BCAS2: variants seen among roughly 807,000 people sequenced by gnomAD.
The protein encoded by BCAS2 is pre-mRNA-splicing factor SPF27.
In BCAS2, 34 loss-of-function variants were observed where a neutral mutation model predicts 35.3. The ratio of observed to expected loss-of-function variants is 0.96; its 90% CI spans 0.73 to 1.28. The LOEUF (loss-of-function observed/expected upper bound fraction) is 1.28. Ranked by LOEUF, BCAS2 falls within the 50% of genes most tolerant of loss-of-function variation. The pLI, the probability that BCAS2 is intolerant of heterozygous loss-of-function variation, is 0.00. For missense variants in BCAS2, 221 were observed against 268.1 expected (o/e 0.82, Z 1.23); for synonymous variants, 75 against 91.6 (o/e 0.82, Z 1.03).
intron 4 of BCAS2, among the ~76,000 whole-genome samples, chr1:114,571,251 G>C (rs928542153): frequency 6.6e-6 from 1 of 151,870 alleles, no homozygotes; most frequent in Non-Finnish European, 1.5e-5. Context: ...AGTAGAGATG[G>C]GGTTTCACTA....
chr1:114,571,387 T>G (rs542540880), intron 4 of BCAS2, among the ~76,000 whole-genome samples: 6 of 151,622 alleles, frequency 4.0e-5, no homozygotes, highest in African/African-American at 1.5e-4. Flanking sequence ...AGGGACAGAG[T>G]CTTGCTCTCC....
At chr1:114,569,820 T>C (rs1570734915) in intron 6 of BCAS2, among the ~76,000 whole-genome samples, 172 bp downstream of exon 6, 1 of 152,234 alleles carries the variant, frequency 6.6e-6, no homozygotes, top group African/African-American at 2.4e-5. Context: ...TTCTCGTTTA[T>C]AGTTCTCTTT....
At chr1:114,579,675 G>A (rs1412664531) in intron 2 of BCAS2, among the ~76,000 whole-genome samples, 1 of 152,130 alleles carries the variant, frequency 6.6e-6, no homozygotes, top group East Asian at 1.9e-4. Flanking sequence ...AGACCAGCCT[G>A]GCCAACATGG....
intron 2 of BCAS2, among the ~76,000 whole-genome samples, chr1:114,577,508 A>G (rs753854583): frequency 6.6e-6 from 1 of 152,162 alleles, no homozygotes; most frequent in Non-Finnish European, 1.5e-5. Context: ...CTGGGATGAC[A>G]GGCATCTGCC....
chr1:114,580,131 T>A (rs1218325488), intron 2 of BCAS2, among the ~76,000 whole-genome samples: 1 of 152,034 alleles, frequency 6.6e-6, no homozygotes, highest in Non-Finnish European at 1.5e-5. Flanking sequence ...AGAGAAAGGG[T>A]CTCACTATGT....
chr1:114,573,956 A>G (rs1654702856), intron 4 of BCAS2, among the ~76,000 whole-genome samples: 1 of 152,186 alleles, frequency 6.6e-6, no homozygotes, highest in Non-Finnish European at 1.5e-5. Context: ...TACTCTAACG[A>G]AAGTTGTACA....
rs1351591869 is a variant in BCAS2 at position 114,581,584 on chromosome 1, CCCG to C, written c.5_7del (p.Ala2del). Reference sequence around the variant, plus strand: ...AACCTCTCCAGCCACCAAACCTGTGCCCGCCATTCTGAGGACCTCAGGTTTGCC... The same window carrying C: ...AACCTCTCCAGCCACCAAACCTGTGCCCATTCTGAGGACCTCAGGTTTGCC... On this transcript the variant is annotated inframe_deletion, in exon 1 of 7. Coordinates refer to ENST00000369541, the MANE Select transcript of BCAS2 (RefSeq NM_005872.3). The C allele has an allele frequency of 1.2e-6, 2 of 1,613,156 alleles. No homozygotes were observed. Among genetic ancestry groups the C allele is most frequent in the Non-Finnish European group, 1.7e-6 (2 of 1,179,968 alleles).
chr1:114,577,176 T>C (rs1270641704), intron 2 of BCAS2, among the ~76,000 whole-genome samples: 1 of 152,192 alleles, frequency 6.6e-6, no homozygotes, highest in Non-Finnish European at 1.5e-5. Context: ...CATGGGTTAA[T>C]AAGTTATCAC....
intron 2 of BCAS2, among the ~76,000 whole-genome samples, chr1:114,580,643 C>T (rs565980352): frequency 4.1e-4 from 62 of 151,864 alleles, no homozygotes; most frequent in Non-Finnish European, 7.7e-4. Context: ...GGATGTTTGT[C>T]TTAAATAAAG....
At chr1:114,568,880 A>G (rs1654584425) in intron 6 of BCAS2, among the ~76,000 whole-genome samples, 1 of 148,592 alleles carries the variant, frequency 6.7e-6, no homozygotes, top group African/African-American at 2.5e-5. Context: ...CTCCAACCTC[A>G]GCCTCCTGAA....
chr1:114,570,081 AATT>A lies in BCAS2; in HGVS notation c.471-12_471-10del, dbSNP rs1213487864. On this transcript the variant is annotated splice_polypyrimidine_tract_variant and intron_variant, in intron 5 of 6. Coordinates refer to ENST00000369541, the MANE Select transcript of BCAS2 (RefSeq NM_005872.3). ...AATCTTGAATATGTTTTCTGTAAAAAATTATTTATACAACCCAATTACATTTTA... is the reference window on the plus strand; with the variant it reads ...AATCTTGAATATGTTTTCTGTAAAAAATTTATACAACCCAATTACATTTTA... 1 of 1,584,882 alleles carries A rather than the reference AATT, an allele frequency of 6.3e-7. No individual in the cohort carries two copies. The highest frequency in any genetic ancestry group is 8.7e-7 in the Non-Finnish European group (1 of 1,155,446).
intron 2 of BCAS2, among the ~76,000 whole-genome samples, chr1:114,577,739 C>T (rs1485030976): frequency 6.6e-6 from 1 of 152,196 alleles, no homozygotes; most frequent in Non-Finnish European, 1.5e-5. Context: ...TTCCATTCTG[C>T]ACATTTCCTA....
chr1:114,578,540 T>C (rs891472542), intron 2 of BCAS2, among the ~76,000 whole-genome samples: 9 of 152,192 alleles, frequency 5.9e-5, no homozygotes, highest in Admixed American at 1.3e-4. Context: ...ACTAAGCCAG[T>C]GTTCATGGAG....
chr1:114,571,744 T>A (rs1654649127), intron 4 of BCAS2, among the ~76,000 whole-genome samples: 1 of 152,216 alleles, frequency 6.6e-6, no homozygotes, highest in African/African-American at 2.4e-5. Flanking sequence ...AACCCCCTTT[T>A]ATCTCTATAT....
Position 114,572,582 on chromosome 1 carries a change from G to T in BCAS2, c.420-1832C>A, listed in dbSNP as rs1201524963. On this transcript the variant is annotated intron_variant, in intron 4 of 6. Coordinates refer to ENST00000369541, the MANE Select transcript of BCAS2 (RefSeq NM_005872.3). ...AACAAGTGATGTGCACAATAATTCT[G>T]TGTATAGTTACTCAGAAGAGGGAGA... Among the ~76,000 whole-genome samples, 5 of 152,284 alleles carry T rather than the reference G, an allele frequency of 3.3e-5. 1 individual carries two copies. The East Asian group carries it at 9.7e-4, about 29-fold the overall frequency.
intron 6 of BCAS2, among the ~76,000 whole-genome samples, chr1:114,568,607 T>A (rs1654574993): frequency 6.6e-6 from 1 of 151,872 alleles, no homozygotes; most frequent in African/African-American, 2.4e-5. Flanking sequence ...CCCCAGGTGA[T>A]CCACCCACCT....
intron 3 of BCAS2, among the ~76,000 whole-genome samples, chr1:114,576,222 C>CCTCTCTCTCT (rs71580638): frequency 7.4e-6 from 1 of 135,052 alleles, no homozygotes; most frequent in Non-Finnish European, 1.6e-5. Flanking sequence ...TTCAACACTG[C>CCTCTCTCTCT]CTCTCTCTCT....
Position 114,575,564 on chromosome 1 carries a change from CAG to C in BCAS2, c.419+24_419+25del, listed in dbSNP as rs764390070. On this transcript the variant is annotated intron_variant, in intron 4 of 6. Transcript: ENST00000369541. The stretch of plus-strand genomic sequence containing the variant: ...AAGAAAAGAGAAAAAACAAAAAAAA[CAG>C]AAGATGAAGAAAAAGGTTCTTACTC... 1.5e-4 allele frequency: 233 copies of C among 1,560,232 alleles called. 2 individuals are homozygous for C. In the Middle Eastern group the frequency reaches 4.3e-3, roughly 29 times the overall value.
At chr1:114,577,517 C>T (rs1369500859) in intron 2 of BCAS2, among the ~76,000 whole-genome samples, 1 of 152,154 alleles carries the variant, frequency 6.6e-6, no homozygotes, top group African/African-American at 2.4e-5. Flanking sequence ...CAGGCATCTG[C>T]CACTATGCCT....
Sources: allele counts gnomAD v4.1 joint callset (sites outside exome capture counted in the v4.1 genomes callset), GRCh38; gene constraint gnomAD v4.1.1; transcripts MANE v1.5; gene names NCBI Gene and HGNC (gene_info 2026-07-23, HGNC 2026-07-21).